POF1B: variants seen among roughly 807,000 people sequenced by gnomAD.
POF1B encodes the protein POF1B actin binding protein.
A neutral mutation model predicts 55.3 loss-of-function variants in POF1B; 53 were observed. The ratio of observed to expected loss-of-function variants is 0.96; its 90% CI spans 0.77 to 1.20. The LOEUF (loss-of-function observed/expected upper bound fraction) is 1.20. POF1B is among the 50% of genes most tolerant of loss of function. POF1B has a pLI of 0.00. For synonymous variants in POF1B, 188 were observed against 148.3 expected, an observed-to-expected ratio of 1.27 and a Z score of -1.95; for missense variants, 478 against 420.5, an observed-to-expected ratio of 1.14 and a Z score of -1.20.
chrX:85,311,075 G>A (rs1383349762), intron 9 of POF1B, among the ~76,000 whole-genome samples: 1 of 111,480 alleles, frequency 9.0e-6, no homozygotes, highest in Non-Finnish European at 1.9e-5. Context: ...TACCCTTAAA[G>A]AATAGCTAAA....
chrX:85,314,469 G>A lies in POF1B; in HGVS notation c.920C>T (p.Ser307Leu), dbSNP rs772306688. The A allele has an allele frequency of 2.5e-6, 3 of 1,198,597 alleles. No homozygotes were observed. The South Asian group carries it at 5.4e-5, about 22-fold the overall frequency. ...GCGTATTTGCTGTTTTGTAAACTCT[G>A]ATAATCCTTTAGGAATCAATGATTC... is the stretch of plus-strand genomic sequence containing the variant. ...DIESLIPKGL[S>L]EFTKQQIRYI... Residue 307 changes from serine (S) to leucine (L), a missense_variant, in exon 9 of 17, where the codon TCA becomes TTA. Physicochemically the swap from Ser to Leu is moderately radical, Grantham distance 145 (BLOSUM62 -2). Transcript: ENST00000262753.
intron 5 of POF1B, among the ~76,000 whole-genome samples, chrX:85,347,249 A>G (rs1933291302): frequency 9.0e-6 from 1 of 111,312 alleles, no homozygotes; most frequent in Non-Finnish European, 1.9e-5. Context: ...ACATACAATT[A>G]ATTTTGAAAG....
At chrX:85,370,336 C>T (rs910999520) in intron 2 of POF1B, among the ~76,000 whole-genome samples, 2 of 111,780 alleles carry the variant, frequency 1.8e-5, no homozygotes, top group African/African-American at 6.5e-5. Context: ...ATAATGTACT[C>T]AATTATTTTT....
At chrX:85,379,571 G>T (rs1346675013) in intron 1 of POF1B, 68 bp downstream of exon 1, 8 of 789,932 alleles carry the variant, frequency 1.0e-5, no homozygotes, top group Non-Finnish European at 1.4e-5. Flanking sequence ...ACAGACACAC[G>T]ACACACGTGT....
chrX:85,344,118 A>C (rs1217741044), intron 6 of POF1B, among the ~76,000 whole-genome samples: 1 of 110,998 alleles, frequency 9.0e-6, no homozygotes, highest in East Asian at 2.9e-4. Flanking sequence ...GAAAGCCCAA[A>C]GTTTTTAAAT....
intron 11 of POF1B, 75 bp from the exon 12 acceptor site, chrX:85,306,408 T>C: frequency 1.0e-6 from 1 of 976,235 alleles, no homozygotes; most frequent in South Asian, 2.3e-5. Context: ...TATTGATTCA[T>C]TCAATTGAAT....
intron 6 of POF1B, among the ~76,000 whole-genome samples, chrX:85,343,744 G>T (rs1294338572): frequency 9.0e-6 from 1 of 110,759 alleles, no homozygotes; most frequent in Non-Finnish European, 1.9e-5. Flanking sequence ...ACTGAAACTA[G>T]TCTGCTTTCT....
At chrX:85,373,386 G>A (rs1933867572) in intron 2 of POF1B, among the ~76,000 whole-genome samples, 3 of 111,131 alleles carry the variant, frequency 2.7e-5, no homozygotes, top group Non-Finnish European at 5.7e-5. Flanking sequence ...TTTGTACATC[G>A]TACAATTTGT....
chrX:85,308,736 G>A (rs1399008335), intron 9 of POF1B, among the ~76,000 whole-genome samples: 1 of 111,035 alleles, frequency 9.0e-6, no homozygotes, highest in Non-Finnish European at 1.9e-5. Context: ...GGAGTGTAGT[G>A]GCATGATCTC....
chrX:85,330,709 C>T (rs1202137732), intron 7 of POF1B, among the ~76,000 whole-genome samples: 1 of 111,010 alleles, frequency 9.0e-6, no homozygotes. Context: ...AGGAGATAGA[C>T]CTAATGTAAA....
intron 6 of POF1B, among the ~76,000 whole-genome samples, chrX:85,342,958 T>G (rs752558322): frequency 9.3e-6 from 1 of 107,778 alleles, no homozygotes; most frequent in Non-Finnish European, 1.9e-5. Flanking sequence ...AACTCTAAGC[T>G]TCCTGTAGAG....
At position 85,359,492 on chromosome X, in the gene POF1B, T is replaced by G. The variant is rs12689922; in HGVS notation, c.438+58A>C. On this transcript the variant is annotated intron_variant, in intron 4 of 16. Transcript: ENST00000262753. Reference sequence around the variant, plus strand: ...AAGGATCTGGTAACTGATTAAGCCTTTTTGTTTAAGCAATTAACTTCTAAA... The same window carrying G: ...AAGGATCTGGTAACTGATTAAGCCTGTTTGTTTAAGCAATTAACTTCTAAA... The G allele has an allele frequency of 5.4e-4, 482 of 900,530 alleles. 1 individual carries two copies. The East Asian group carries it at 0.015, about 27-fold the overall frequency. The allele number at this position is 900,530 out of a possible 1,213,427, so 74.2% of individuals were successfully genotyped here.
At chrX:85,307,346 G>A in intron 10 of POF1B, 70 bp from the exon 11 acceptor site, 1 of 631,144 alleles carries the variant, frequency 1.6e-6, no homozygotes, top group Non-Finnish European at 2.4e-6. Flanking sequence ...ACAAAGACTT[G>A]CTTACCTTGG....
intron 15 of POF1B, among the ~76,000 whole-genome samples, chrX:85,287,641 C>T (rs1351454615): frequency 9.0e-6 from 1 of 111,247 alleles, no homozygotes; most frequent in Non-Finnish European, 1.9e-5. Context: ...GATGACTTTA[C>T]TAGTTAACTC....
intron 15 of POF1B, among the ~76,000 whole-genome samples, chrX:85,291,830 G>A (rs1303757512): frequency 5.4e-5 from 6 of 111,217 alleles, no homozygotes; most frequent in Admixed American, 4.8e-4. Flanking sequence ...GACTGAGATT[G>A]TGGAGTTTTC....
At chrX:85,319,005 G>A (rs1321382794) in intron 7 of POF1B, among the ~76,000 whole-genome samples, 1 of 111,466 alleles carries the variant, frequency 9.0e-6, no homozygotes, top group Non-Finnish European at 1.9e-5. Context: ...CATTAGCATG[G>A]GATGTTTTTC....
intron 15 of POF1B, among the ~76,000 whole-genome samples, chrX:85,299,402 C>A (rs1932389034): frequency 9.4e-6 from 1 of 106,055 alleles, no homozygotes; most frequent in African/African-American, 3.5e-5. Flanking sequence ...CATTCTCCTG[C>A]CTCAGCCTCC....
At chrX:85,375,341 C>G (rs1933903175) in intron 2 of POF1B, among the ~76,000 whole-genome samples, 1 of 111,209 alleles carries the variant, frequency 9.0e-6, no homozygotes, top group Non-Finnish European at 1.9e-5. Flanking sequence ...GACAGTTTCC[C>G]TCTCTTCCAC....
At chrX:85,379,089 T>A in intron 2 of POF1B, 84 bp downstream of exon 2, 1 of 1,052,184 alleles carries the variant, frequency 9.5e-7, no homozygotes, top group South Asian at 2.1e-5. Context: ...TCCTGTGGAA[T>A]AGAGGCAAAG....
Sources: gnomAD v4.1 joint callset for allele counts (sites outside exome capture counted in the v4.1 genomes callset) on GRCh38, gnomAD v4.1.1 for gene constraint, MANE v1.5 for transcripts, NCBI Gene and HGNC (gene_info 2026-07-23, HGNC 2026-07-21) for gene names.